NUP98: variants seen among roughly 807,000 people sequenced by gnomAD.
NUP98 encodes nuclear pore complex protein Nup98-Nup96.
A neutral mutation model predicts 191.9 loss-of-function variants in NUP98; 26 were observed. The ratio of observed to expected loss-of-function variants is 0.14; its 90% CI spans 0.10 to 0.19. The LOEUF is 0.19. NUP98 is among the 10% of genes least tolerant of loss of function. The pLI, the probability that NUP98 is intolerant of heterozygous loss-of-function variation, is 1.00. For missense variants in NUP98, 1,941 were observed against 2,178.8 expected, an observed-to-expected ratio of 0.89 and a Z score of 2.17; for synonymous variants, 808 against 778.4, an observed-to-expected ratio of 1.04 and a Z score of -0.63.
chr11:3,788,855 G>A (rs926424264), intron 1 of NUP98, among the ~76,000 whole-genome samples: 4 of 151,990 alleles, frequency 2.6e-5, no homozygotes, highest in Admixed American at 6.6e-5. Context: ...GCTGAGGCAG[G>A]AGAATCGCTT....
Position 3,691,292 on chromosome 11 carries a change from C to A in NUP98, c.4454+55G>T. 10 of 1,603,960 alleles carry A rather than the reference C, an allele frequency of 6.2e-6. No homozygotes were observed. The South Asian group carries it at 1.1e-4, about 18-fold the overall frequency. On this transcript the variant is annotated intron_variant, in intron 28 of 32. Coordinates refer to ENST00000324932, the MANE Select transcript of NUP98 (RefSeq NM_016320.5). ...AAAAGGGAAAGGACGCAGCAAAGGACTCCCCTGGGGCTCATGGAGCACTCA... is the reference window on the plus strand; with the variant it reads ...AAAAGGGAAAGGACGCAGCAAAGGAATCCCCTGGGGCTCATGGAGCACTCA...
At chr11:3,781,066 G>C (rs2081951241) in intron 2 of NUP98, among the ~76,000 whole-genome samples, 1 of 151,868 alleles carries the variant, frequency 6.6e-6, no homozygotes, top group East Asian at 1.9e-4. Context: ...TGCAACTGTG[G>C]TCCTAGCTAC....
intron 29 of NUP98, among the ~76,000 whole-genome samples, chr11:3,684,305 C>T (rs187874094): frequency 5.9e-5 from 9 of 152,258 alleles, no homozygotes; most frequent in East Asian, 5.8e-4. Flanking sequence ...CTTGGCTCGG[C>T]GCAGTGGCTC....
At chr11:3,785,519 G>A (rs1024565816) in intron 1 of NUP98, among the ~76,000 whole-genome samples, 1 of 152,178 alleles carries the variant, frequency 6.6e-6, no homozygotes, top group Non-Finnish European at 1.5e-5. Context: ...AGCACTTTGG[G>A]AGGCCAAGGT....
At chr11:3,794,259 A>C (rs2133999662) in intron 1 of NUP98, among the ~76,000 whole-genome samples, 1 of 152,270 alleles carries the variant, frequency 6.6e-6, no homozygotes, top group African/African-American at 2.4e-5. Flanking sequence ...AAACAAAAAG[A>C]ATGCACCAAG....
At chr11:3,753,429 G>C (rs749332191) in intron 10 of NUP98, 21 bp from the exon 11 acceptor site, 1 of 1,569,796 alleles carries the variant, frequency 6.4e-7, no homozygotes, top group Non-Finnish European at 8.8e-7. Flanking sequence ...AAAAGAATGA[G>C]TGGATTGTAC....
intron 1 of NUP98, among the ~76,000 whole-genome samples, chr11:3,791,897 C>T (rs1252589215): frequency 1.3e-5 from 2 of 149,032 alleles, no homozygotes; most frequent in African/African-American, 4.9e-5. Context: ...AACATGCATT[C>T]GGCTGGGCGC....
intron 1 of NUP98, among the ~76,000 whole-genome samples, chr11:3,793,371 C>T (rs1404980724): frequency 1.3e-5 from 2 of 152,016 alleles, no homozygotes; most frequent in Non-Finnish European, 2.9e-5. Flanking sequence ...CTCACTGCAA[C>T]CTCTGCCTCC....
intron 26 of NUP98, 49 bp from the exon 27 acceptor site, chr11:3,693,424 C>T (rs1341726698): frequency 6.3e-7 from 1 of 1,586,274 alleles, no homozygotes; most frequent in African/African-American, 1.3e-5. Flanking sequence ...CTTGTTATTA[C>T]CTGTGTGTGC....
chr11:3,712,471 AG>A, intron 20 of NUP98, 92 bp downstream of exon 20: 1 of 1,562,534 alleles, frequency 6.4e-7, no homozygotes, highest in Non-Finnish European at 8.7e-7. Flanking sequence ...CAAAGTTCCA[AG>A]GGTCATAAAA....
intron 24 of NUP98, among the ~76,000 whole-genome samples, chr11:3,699,580 A>G (rs1323517508): frequency 1.3e-5 from 2 of 152,266 alleles, no homozygotes; most frequent in Admixed American, 6.5e-5. Flanking sequence ...TGGTACTTAC[A>G]TAACAAATGT....
At chr11:3,763,293 T>G (rs1295201652) in intron 8 of NUP98, among the ~76,000 whole-genome samples, 1 of 152,166 alleles carries the variant, frequency 6.6e-6, no homozygotes, top group Non-Finnish European at 1.5e-5. Flanking sequence ...CAAACCTATA[T>G]TTAAGCCCCT....
Position 3,791,117 on chromosome 11 carries a change from G to A in NUP98, c.-29+6283C>T, listed in dbSNP as rs193043159. On this transcript the variant is annotated intron_variant, in intron 1 of 32. Coordinates refer to ENST00000324932, the MANE Select transcript of NUP98 (RefSeq NM_016320.5). Reference sequence around the variant, plus strand: ...TCACCGTGTTAGCCAGGATGGTCTCGATCTCCTGACCTTGTGATCCGCCCC... The same window carrying A: ...TCACCGTGTTAGCCAGGATGGTCTCAATCTCCTGACCTTGTGATCCGCCCC... 4.2e-3 allele frequency among the ~76,000 whole-genome samples: 634 copies of A among 151,932 alleles called. 23 individuals are homozygous for A. In the East Asian group the frequency reaches 0.09, roughly 22 times the overall value.
chr11:3,736,396 G>A (rs2080061678), intron 12 of NUP98, among the ~76,000 whole-genome samples: 1 of 152,166 alleles, frequency 6.6e-6, no homozygotes, highest in Admixed American at 6.5e-5. Context: ...AGTGGCTCAT[G>A]CCTGTAATCC....
chr11:3,766,711 G>C (rs1221732773), intron 8 of NUP98, among the ~76,000 whole-genome samples: 1 of 131,224 alleles, frequency 7.6e-6, no homozygotes, highest in Non-Finnish European at 1.6e-5. Flanking sequence ...AAAAAAAAAA[G>C]AGAGAAGCCT....
intron 4 of NUP98, among the ~76,000 whole-genome samples, chr11:3,778,148 G>A (rs920073592): frequency 7.1e-5 from 10 of 141,436 alleles, no homozygotes; most frequent in African/African-American, 2.1e-4. Flanking sequence ...GCAATGAGCC[G>A]AGATTGCGCC....
chr11:3,732,744 T>C (rs2079893949), intron 13 of NUP98, among the ~76,000 whole-genome samples: 1 of 152,220 alleles, frequency 6.6e-6, no homozygotes. Flanking sequence ...ATATTTGTTT[T>C]CCTAACAGCA....
At chr11:3,790,138 C>A (rs760257137) in intron 1 of NUP98, among the ~76,000 whole-genome samples, 1 of 152,124 alleles carries the variant, frequency 6.6e-6, no homozygotes, top group Non-Finnish European at 1.5e-5. Flanking sequence ...CTGTGTCAAA[C>A]GAAGTAAAAT....
chr11:3,732,753 CATAA>C (rs2079894325), intron 13 of NUP98, among the ~76,000 whole-genome samples: 1 of 152,184 alleles, frequency 6.6e-6, no homozygotes, highest in African/African-American at 2.4e-5. Flanking sequence ...TTCCTAACAG[CATAA>C]ATGAGATTAC....
Sources: allele counts gnomAD v4.1 joint callset (sites outside exome capture counted in the v4.1 genomes callset), GRCh38; gene constraint gnomAD v4.1.1; transcripts MANE v1.5; gene names NCBI Gene and HGNC (gene_info 2026-07-23, HGNC 2026-07-21).